The following MYH11 variants were observed in gnomAD, a reference collection of about 807,000 sequenced individuals.
MYH11 encodes the protein myosin-11.
MYH11 carries 80 observed loss-of-function variants against 246.6 expected under a neutral mutation model. That is an observed-to-expected ratio of 0.32 (90% CI 0.27 to 0.39). The LOEUF is 0.39. Among genes scored for constraint, MYH11 ranks in the 10% least tolerant of loss-of-function variants. MYH11 has a pLI of 1.00. For synonymous variants in MYH11, 1,071 were observed against 1,015.5 expected (o/e 1.05, Z -1.04); for missense variants, 2,158 against 2,546.8 (o/e 0.85, Z 3.29).
At chr16:15,710,096 C>G (rs182152447) in intron 40 of MYH11, among the ~76,000 whole-genome samples, 2 of 152,340 alleles carry the variant, frequency 1.3e-5, no homozygotes, top group East Asian at 3.9e-4. Flanking sequence ...GACAGACCTT[C>G]CACCTGCATT....
In MYH11 at chr16:15,703,555, C is replaced by T. The variant is rs2039296624; in HGVS notation, c.*436G>A. The T allele has an allele frequency of 6.0e-6, 2 of 334,298 alleles. No individual in the cohort carries two copies. Among genetic ancestry groups the T allele is most frequent in the African/African-American group, 4.1e-5 (2 of 48,582 alleles). The allele number at this position is 334,298 out of a possible 1,614,324, so 20.7% of individuals were successfully genotyped here. A position where few individuals can be genotyped will look rare whatever the true frequency, so the allele number is the denominator to read the frequency against. Reference sequence around the variant, plus strand: ...TTTCTCATCTCTTACATCATACAAACTTCAATTTTTACCTTGAATACAGGG... The same window carrying T: ...TTTCTCATCTCTTACATCATACAAATTTCAATTTTTACCTTGAATACAGGG... On this transcript the variant is annotated 3_prime_UTR_variant, in exon 41 of 41. Coordinates refer to ENST00000300036, the MANE Select transcript of MYH11 (RefSeq NM_002474.3).
At chr16:15,758,042 T>G in intron 12 of MYH11, 42 bp from the exon 13 acceptor site, 1 of 1,612,248 alleles carries the variant, frequency 6.2e-7, no homozygotes, top group Non-Finnish European at 8.5e-7. Flanking sequence ...CATCTTGGTA[T>G]GAAGTCAGAA....
intron 2 of MYH11, among the ~76,000 whole-genome samples, chr16:15,824,047 A>G (rs1015764825): frequency 6.6e-6 from 1 of 152,126 alleles, no homozygotes; most frequent in Non-Finnish European, 1.5e-5. Context: ...AGCACTTACT[A>G]TGTGTTGGGC....
intron 31 of MYH11, among the ~76,000 whole-genome samples, chr16:15,722,341 T>G (rs888732023): frequency 2.6e-5 from 4 of 152,234 alleles, no homozygotes; most frequent in African/African-American, 9.6e-5. Flanking sequence ...TGGGTGGCCC[T>G]GCACACATAT....
intron 3 of MYH11, among the ~76,000 whole-genome samples, chr16:15,801,671 C>G (rs2042889252): frequency 6.6e-6 from 1 of 150,992 alleles, no homozygotes; most frequent in South Asian, 2.1e-4. Context: ...TAAAAACAGA[C>G]CTGGGATGGG....
rs766965358 is a variant in MYH11, at chr16:15,720,318, C to G, written c.4792-6G>C. 8 of 1,612,986 alleles carry G rather than the reference C, an allele frequency of 5.0e-6. No homozygotes were observed. The East Asian group carries it at 1.8e-4, about 36-fold the overall frequency. The stretch of plus-strand genomic sequence containing the variant: ...TCCGTCTCATACTCGTGAAGCTGGG[C>G]GAGGAATAGAGATGTGTGCTGCCCC... On this transcript the variant is annotated splice_polypyrimidine_tract_variant and splice_region_variant and intron_variant, in intron 33 of 40. Coordinates refer to ENST00000300036, the MANE Select transcript of MYH11 (RefSeq NM_002474.3).
At chr16:15,724,048 A>G in intron 31 of MYH11, 113 bp downstream of exon 31, 2 of 1,561,836 alleles carry the variant, frequency 1.3e-6, no homozygotes, top group Non-Finnish European at 1.7e-6. Context: ...ATGGCTCCCC[A>G]CAGAGTGGAG....
chr16:15,738,496 G>C, intron 24 of MYH11, 69 bp downstream of exon 24: 1 of 1,462,720 alleles, frequency 6.8e-7, no homozygotes, highest in Admixed American at 1.8e-5. Context: ...CTGGGCAACA[G>C]AGCAAGACCT....
intron 27 of MYH11, among the ~76,000 whole-genome samples, chr16:15,728,086 G>A (rs957064356): frequency 4.6e-5 from 7 of 152,108 alleles, no homozygotes; most frequent in East Asian, 1.9e-4. Context: ...AAAATTAGCC[G>A]GGCATGGTGG....
chr16:15,732,482 C>G (rs1010297889), intron 27 of MYH11, 82 bp downstream of exon 27: 1 of 1,588,530 alleles, frequency 6.3e-7, no homozygotes, highest in African/African-American at 1.3e-5. Flanking sequence ...TGTCTTTATG[C>G]AGACCCTGAC....
chr16:15,813,952 C>T (rs894989069), intron 3 of MYH11, among the ~76,000 whole-genome samples: 4 of 150,992 alleles, frequency 2.6e-5, no homozygotes, highest in Non-Finnish European at 5.9e-5. Context: ...GTCAGGAGCT[C>T]GAGACGAGCC....
chr16:15,790,958 T>TC (rs1335400755), intron 4 of MYH11: 2 of 145,666 alleles, frequency 1.4e-5, no homozygotes, highest in East Asian at 2.0e-4. Context: ...TTCTTTTCTT[T>TC]TTTTTTTTTT....
At chr16:15,843,656 C>T (rs989102572) in intron 1 of MYH11, among the ~76,000 whole-genome samples, 3 of 149,036 alleles carry the variant, frequency 2.0e-5, no homozygotes, top group Admixed American at 1.3e-4. Flanking sequence ...AGTGGAGATG[C>T]GCCGCTGCAC....
intron 30 of MYH11, 34 bp from the exon 31 acceptor site, chr16:15,724,443 G>C: frequency 6.2e-7 from 1 of 1,612,656 alleles, no homozygotes; most frequent in Non-Finnish European, 8.5e-7. Flanking sequence ...GGGTGAGAGG[G>C]GGACCATGAG....
intron 12 of MYH11, among the ~76,000 whole-genome samples, chr16:15,758,657 AG>A: frequency 6.6e-6 from 1 of 151,716 alleles, no homozygotes; most frequent in African/African-American, 2.4e-5. Flanking sequence ...AAAAAAAAAA[AG>A]TAGCCAGGCA....
chr16:15,787,160 T>G (rs2042490186), intron 4 of MYH11, among the ~76,000 whole-genome samples: 2 of 152,054 alleles, frequency 1.3e-5, no homozygotes, highest in South Asian at 4.2e-4. Context: ...TAGTCCCAGC[T>G]ATTTGGGAAG....
At chr16:15,855,408 C>A (rs2044438887) in intron 1 of MYH11, among the ~76,000 whole-genome samples, 1 of 152,078 alleles carries the variant, frequency 6.6e-6, no homozygotes, top group African/African-American at 2.4e-5. Context: ...GAAACCTGAC[C>A]CCAACAAGTT....
intron 35 of MYH11, 132 bp from the exon 36 acceptor site, chr16:15,719,440 A>G (rs563485905): frequency 1.4e-6 from 2 of 1,478,538 alleles, no homozygotes; most frequent in East Asian, 4.5e-5. Flanking sequence ...CCGTGAATAC[A>G]TAGAGGAGGG....
At chr16:15,769,098 A>G (rs555296217) in intron 9 of MYH11, among the ~76,000 whole-genome samples, 4 of 152,302 alleles carry the variant, frequency 2.6e-5, no homozygotes, top group African/African-American at 7.2e-5. Flanking sequence ...GGATCATCTG[A>G]GGTCAGGAGT....
Sources: allele counts gnomAD v4.1 joint callset (sites outside exome capture counted in the v4.1 genomes callset), GRCh38; gene constraint gnomAD v4.1.1; transcripts MANE v1.5; gene names NCBI Gene and HGNC (gene_info 2026-07-23, HGNC 2026-07-21).